The following CCDC192 variants were observed in gnomAD, a reference collection of about 807,000 sequenced individuals.
CCDC192 encodes coiled-coil domain containing 192.
intron 2 of CCDC192, among the ~76,000 whole-genome samples, chr5:127,749,325 G>A (rs1753981109): frequency 6.6e-6 from 1 of 152,140 alleles, no homozygotes; most frequent in South Asian, 2.1e-4. Context: ...AGCATGAAAG[G>A]TTGTTGAATT....
intron 3 of CCDC192, among the ~76,000 whole-genome samples, chr5:127,791,039 T>C (rs1756839076): frequency 6.6e-6 from 1 of 152,192 alleles, no homozygotes; most frequent in Non-Finnish European, 1.5e-5. Flanking sequence ...TACATGATGT[T>C]GGAAAGCTGA....
chr5:127,813,485 A>G (rs1451545045), intron 5 of CCDC192, among the ~76,000 whole-genome samples: 2 of 152,246 alleles, frequency 1.3e-5, no homozygotes, highest in East Asian at 3.9e-4. Flanking sequence ...TATCATTTGT[A>G]GTGTTTCAAA....
intron 5 of CCDC192, among the ~76,000 whole-genome samples, chr5:127,817,786 A>T (rs1343856386): frequency 6.6e-6 from 1 of 152,220 alleles, no homozygotes; most frequent in Non-Finnish European, 1.5e-5. Context: ...AATAAAAATG[A>T]AAACAGATTC....
chr5:127,892,471 G>A (rs1216743133), intron 6 of CCDC192, among the ~76,000 whole-genome samples: 3 of 152,200 alleles, frequency 2.0e-5, no homozygotes, highest in Non-Finnish European at 2.9e-5. Context: ...TAGTTGAGCT[G>A]TAGTGTGGAT....
intron 1 of CCDC192, among the ~76,000 whole-genome samples, chr5:127,705,351 C>G (rs1561436206): frequency 6.6e-6 from 1 of 152,132 alleles, no homozygotes; most frequent in Non-Finnish European, 1.5e-5. Flanking sequence ...AAAGTAGTCT[C>G]AAATTGTACT....
intron 2 of CCDC192, among the ~76,000 whole-genome samples, chr5:127,723,822 T>C (rs572954400): frequency 7.9e-5 from 12 of 152,316 alleles, no homozygotes; most frequent in African/African-American, 2.9e-4. Flanking sequence ...GCTTAACTTA[T>C]TTTGATAGTT....
At chr5:127,880,152 C>T (rs1271014119) in intron 6 of CCDC192, among the ~76,000 whole-genome samples, 2 of 150,700 alleles carry the variant, frequency 1.3e-5, no homozygotes, top group Non-Finnish European at 3.0e-5. Context: ...CACATGCACA[C>T]GTATGTTTAT....
chr5:127,724,674 C>A (rs1752211132), intron 2 of CCDC192, among the ~76,000 whole-genome samples: 1 of 151,924 alleles, frequency 6.6e-6, no homozygotes, highest in Non-Finnish European at 1.5e-5. Flanking sequence ...CATGGGGAAA[C>A]CCCGTCTCTG....
chr5:127,902,348 TAA>T (rs1753059589), intron 6 of CCDC192, among the ~76,000 whole-genome samples: 1 of 151,468 alleles, frequency 6.6e-6, no homozygotes, highest in South Asian at 2.1e-4. Flanking sequence ...CAGGAAGCTA[TAA>T]AAGTTTTTTT....
At chr5:127,749,710 A>G (rs957506539) in intron 2 of CCDC192, among the ~76,000 whole-genome samples, 1 of 152,092 alleles carries the variant, frequency 6.6e-6, no homozygotes, top group African/African-American at 2.4e-5. Flanking sequence ...CCTTTTACCT[A>G]TGGTAGAATT....
intron 5 of CCDC192, among the ~76,000 whole-genome samples, chr5:127,830,761 G>C (rs1246711367): frequency 1.4e-5 from 2 of 141,206 alleles, no homozygotes; most frequent in African/African-American, 5.4e-5. Flanking sequence ...AAAGGTTTTT[G>C]AGAAAAAAAA....
At chr5:127,873,470 G>T (rs376872894) in intron 5 of CCDC192, among the ~76,000 whole-genome samples, 1 of 152,100 alleles carries the variant, frequency 6.6e-6, no homozygotes, top group Non-Finnish European at 1.5e-5. Flanking sequence ...GGTTTAACAC[G>T]TATCTATTGT....
chr5:127,928,069 A>C (rs1753914921), intron 6 of CCDC192, among the ~76,000 whole-genome samples: 1 of 151,160 alleles, frequency 6.6e-6, no homozygotes, highest in African/African-American at 2.4e-5. Context: ...CTGGGATTAC[A>C]GGCACCCACC....
chr5:127,744,141 A>T (rs1320485419), intron 2 of CCDC192, among the ~76,000 whole-genome samples: 1 of 151,370 alleles, frequency 6.6e-6, no homozygotes, highest in African/African-American at 2.4e-5. Flanking sequence ...TGAAAACGCT[A>T]AACACAAAAG....
At chr5:127,818,094 C>A (rs1183846343) in intron 5 of CCDC192, among the ~76,000 whole-genome samples, 1 of 152,130 alleles carries the variant, frequency 6.6e-6, no homozygotes, top group African/African-American at 2.4e-5. Context: ...CAAATCACTG[C>A]TCTAAAATCA....
intron 3 of CCDC192, among the ~76,000 whole-genome samples, chr5:127,757,998 T>C (rs145113659): frequency 9.0e-4 from 136 of 151,480 alleles, no homozygotes; most frequent in African/African-American, 2.9e-3. Flanking sequence ...TAGAATGAGG[T>C]GGGGAGTGTG....
intron 3 of CCDC192, among the ~76,000 whole-genome samples, chr5:127,763,044 C>G (rs1430476576): frequency 6.6e-6 from 1 of 150,536 alleles, no homozygotes; most frequent in Non-Finnish European, 1.5e-5. Flanking sequence ...GTTTGCAGCC[C>G]TCTTGTCTGC....
At chr5:127,779,050 TA>T (rs1257133608) in intron 3 of CCDC192, among the ~76,000 whole-genome samples, 1 of 152,182 alleles carries the variant, frequency 6.6e-6, no homozygotes, top group African/African-American at 2.4e-5. Context: ...CTTTGTTGAT[TA>T]TTTCAAGGAA....
chr5:127,747,547 A>G (rs1753847031), intron 2 of CCDC192, among the ~76,000 whole-genome samples: 1 of 151,962 alleles, frequency 6.6e-6, no homozygotes, highest in Admixed American at 6.6e-5. Context: ...TGCTATTGTG[A>G]ATAATGCCGC....
Sources: gnomAD v4.1 joint callset for allele counts (sites outside exome capture counted in the v4.1 genomes callset) on GRCh38, gnomAD v4.1.1 for gene constraint, MANE v1.5 for transcripts, NCBI Gene and HGNC (gene_info 2026-07-23, HGNC 2026-07-21) for gene names.